PXMP2: variants seen among roughly 807,000 people sequenced by gnomAD.
PXMP2 encodes peroxisomal membrane protein 2.
Under a neutral mutation model 20.2 loss-of-function variants are expected in PXMP2, and 13 were observed. That is an observed-to-expected ratio of 0.64 (90% confidence interval 0.42 to 1.02). The LOEUF is 1.02. PXMP2 is among the 50% of genes least tolerant of loss of function. The pLI, the probability that PXMP2 is intolerant of heterozygous loss-of-function variation, is 0.00. For missense variants in PXMP2, 284 were observed against 251.8 expected (o/e 1.13, Z -0.87); for synonymous variants, 113 against 111.2 (o/e 1.02, Z -0.10).
intron 3 of PXMP2, among the ~76,000 whole-genome samples, chr12:132,697,620 C>G (rs1329300175): frequency 2.0e-5 from 3 of 151,968 alleles, no homozygotes; most frequent in Admixed American, 2.0e-4. Context: ...GTTGGCCAGG[C>G]TTGTCTTGAA....
chr12:132,694,691 G>T (rs1357466828), intron 2 of PXMP2, among the ~76,000 whole-genome samples: 1 of 132,674 alleles, frequency 7.5e-6, no homozygotes, highest in Admixed American at 7.6e-5. Flanking sequence ...AGCTCCCTTA[G>T]CCAGTTAGTG....
In PXMP2 at chr12:132,700,041, C is replaced by CTTTTT. The variant is rs201949583; in HGVS notation, c.400-1209_400-1208insTTTTT. Among the ~76,000 whole-genome samples the CTTTTT allele has an allele frequency of 7.1e-5, 10 of 140,238 alleles. 2 individuals carry two copies. Among genetic ancestry groups the CTTTTT allele is most frequent in the African/African-American group, 5.1e-5 (2 of 39,206 alleles). The allele number at this position is 140,238 out of a possible 152,430, so 92.0% of individuals were successfully genotyped here. A position where few individuals can be genotyped will look rare whatever the true frequency, so the allele number is the denominator to read the frequency against. Reference sequence around the variant, plus strand: ...CTTGCCAGCATCTATTGTTTTTTGACCTTTTTTTTTTTTTTTTTGAGGCAG... The same window carrying CTTTTT: ...CTTGCCAGCATCTATTGTTTTTTGACTTTTTCTTTTTTTTTTTTTTTTTGAGGCAG... On this transcript the variant is annotated intron_variant, in intron 3 of 4. Transcript: ENST00000317479.
Position 132,696,181 on chromosome 12 carries a change from T to C in PXMP2, c.399+135T>C. 9.7e-7 allele frequency: 1 copy of C among 1,035,094 alleles called. No homozygotes were observed. The highest frequency in any genetic ancestry group is 1.4e-6 in the Non-Finnish European group (1 of 734,830). The allele number at this position is 1,035,094 out of a possible 1,614,324, so 64.1% of individuals were successfully genotyped here. On this transcript the variant is annotated intron_variant, in intron 3 of 4. Coordinates refer to ENST00000317479, the MANE Select transcript of PXMP2 (RefSeq NM_018663.3). The surrounding 1 kb of genome is among the most constrained non-coding windows in gnomAD (Gnocchi z 4.4). Reference sequence around the variant, plus strand: ...AATTTTGCATTTTCTTTTATGAATATAGGAAGCAAACATCTAGTATTGGCA... The same window carrying C: ...AATTTTGCATTTTCTTTTATGAATACAGGAAGCAAACATCTAGTATTGGCA...
chr12:132,695,163 CAGTT>C (rs1364170444), intron 2 of PXMP2, among the ~76,000 whole-genome samples: 4 of 151,236 alleles, frequency 2.6e-5, no homozygotes, highest in South Asian at 2.1e-4. Context: ...GCGCCCTTGA[CAGTT>C]AGTTAGTGAG....
At chr12:132,704,576 G>C (rs763244435) in intron 4 of PXMP2, 43 bp from the exon 5 acceptor site, 17 of 1,384,470 alleles carry the variant, frequency 1.2e-5, no homozygotes, top group Non-Finnish European at 1.6e-5. Flanking sequence ...ACTGGCCACG[G>C]CCTCCCGCTG....
intron 4 of PXMP2, among the ~76,000 whole-genome samples, chr12:132,703,870 G>T (rs1307094576): frequency 6.6e-6 from 1 of 151,516 alleles, no homozygotes. Flanking sequence ...GGAATTTAGA[G>T]AAGGAAGCAG....
At chr12:132,695,538 A>G (rs2043405413) in intron 2 of PXMP2, among the ~76,000 whole-genome samples, 1 of 152,178 alleles carries the variant, frequency 6.6e-6, no homozygotes, top group Non-Finnish European at 1.5e-5. Context: ...AACATATGAG[A>G]TAAGGACAGT....
chr12:132,694,593 T>G (rs76639559), intron 2 of PXMP2, among the ~76,000 whole-genome samples: 13 of 94,946 alleles, frequency 1.4e-4, no homozygotes, highest in South Asian at 3.8e-4. Context: ...GTTAGTGAGC[T>G]CCCTTAGCCA....
Position 132,704,975 on chromosome 12 carries a change from A to G in PXMP2, c.*288A>G, listed in dbSNP as rs939918899. ...TTAGGATCACAATAAACGATAATGC[A>G]GGTTCTTCAATGGTGACTTTAATCT... On this transcript the variant is annotated 3_prime_UTR_variant, in exon 5 of 5. Transcript: ENST00000317479. 8 of 515,230 alleles carry G rather than the reference A, an allele frequency of 1.6e-5. No homozygotes were observed. Among genetic ancestry groups the G allele is most frequent in the African/African-American group, 1.2e-4 (6 of 50,900 alleles). The allele number at this position is 515,230 out of a possible 1,614,324, so 31.9% of individuals were successfully genotyped here.
intron 1 of PXMP2, 132 bp downstream of exon 1, chr12:132,687,924 C>G: frequency 1.1e-6 from 1 of 907,086 alleles, no homozygotes; most frequent in Non-Finnish European, 1.4e-6. Flanking sequence ...GAGCGGGCGC[C>G]CTCCGACCCG....
At chr12:132,692,334 T>A (rs1459529011) in intron 2 of PXMP2, among the ~76,000 whole-genome samples, 1 of 135,584 alleles carries the variant, frequency 7.4e-6, no homozygotes, top group Admixed American at 7.1e-5. Context: ...AGCCAGTTAG[T>A]TAGTGAGCGC....
Position 132,695,913 on chromosome 12 carries a change from T to G in PXMP2, c.266T>G (p.Phe89Cys). The G allele has an allele frequency of 6.2e-7, 1 of 1,608,164 alleles. No homozygotes were observed. Among genetic ancestry groups the G allele is most frequent in the Non-Finnish European group, 8.5e-7 (1 of 1,177,310 alleles). The change falls in exon 3 of 5, where the codon TTC (phenylalanine) becomes TGC (cysteine). Residue 89 changes from phenylalanine (F) to cysteine (C), a missense_variant. Phe to Cys is a radical substitution (Grantham distance 205). Transcript: ENST00000317479. ...GFFFTGPLSHFFYFFMEHWIP... is the reference protein window; with the variant it reads ...GFFFTGPLSHCFYFFMEHWIP... The stretch of plus-strand genomic sequence containing the variant: ...TTCTTCACAGGGCCGCTGAGTCACT[T>G]CTTCTACTTCTTCATGGAACATTGG...
chr12:132,689,589 C>T (rs11838097), intron 1 of PXMP2, among the ~76,000 whole-genome samples: 1,958 of 152,176 alleles, frequency 0.013, 49 homozygotes, highest in African/African-American at 0.044. Flanking sequence ...TGTCTAGGTC[C>T]GTGCTAGGAA....
intron 2 of PXMP2, among the ~76,000 whole-genome samples, chr12:132,694,536 A>T (rs374420277): frequency 0.036 from 1,272 of 34,986 alleles, 5 homozygotes; most frequent in Admixed American, 0.047. Flanking sequence ...AGCCAGTTAG[A>T]TAGTGAGCGC....
intron 2 of PXMP2, among the ~76,000 whole-genome samples, chr12:132,691,720 G>A (rs2043367704): frequency 6.6e-6 from 1 of 152,136 alleles, no homozygotes; most frequent in Non-Finnish European, 1.5e-5. Flanking sequence ...CTTCCCCACT[G>A]AGAATCCCTG....
intron 2 of PXMP2, among the ~76,000 whole-genome samples, chr12:132,692,157 C>CAGTTAGTGAGCTCCCTTAGCCAGTT (rs2043372246): frequency 5.4e-5 from 7 of 130,610 alleles, no homozygotes; most frequent in Admixed American, 2.4e-4. Flanking sequence ...GCTCCCTTGC[C>CAGTTAGTGAGCTCCCTTAGCCAGTT]AGTTAGTGAG....
intron 3 of PXMP2, among the ~76,000 whole-genome samples, chr12:132,697,452 G>A (rs2136065090): frequency 6.6e-6 from 1 of 151,696 alleles, no homozygotes; most frequent in Middle Eastern, 3.4e-3. Context: ...CTGTTGCCCA[G>A]GCTGGAGTGC....
chr12:132,704,598 T>C, intron 4 of PXMP2, 21 bp from the exon 5 acceptor site: 1 of 1,427,748 alleles, frequency 7.0e-7, no homozygotes, highest in Non-Finnish European at 9.2e-7. Flanking sequence ...CCGTGGCCTG[T>C]TGGACTGTTC....
chr12:132,701,818 A>G, intron 4 of PXMP2: 1 of 203,690 alleles, frequency 4.9e-6, no homozygotes, highest in Non-Finnish European at 1.0e-5. Flanking sequence ...AGGCCGTCAC[A>G]GTAGCTCACA....
Sources: gnomAD v4.1 joint callset for allele counts (sites outside exome capture counted in the v4.1 genomes callset) on GRCh38, gnomAD v4.1.1 for gene constraint, Gnocchi (gnomAD v3.1) non-coding constraint, MANE v1.5 for transcripts, NCBI Gene and HGNC (gene_info 2026-07-23, HGNC 2026-07-21) for gene names.